WDR62: variants seen among roughly 807,000 people sequenced by gnomAD.
WDR62 encodes WD repeat domain 62.
A neutral mutation model predicts 160.6 loss-of-function variants in WDR62; 112 were observed. That is an observed-to-expected ratio of 0.70 (90% CI 0.60 to 0.82). The LOEUF (loss-of-function observed/expected upper bound fraction) is 0.82. WDR62 is among the 40% of genes least tolerant of loss of function. The pLI is 0.00. For missense variants in WDR62, 1,819 were observed against 1,983.8 expected, an observed-to-expected ratio of 0.92 and a Z score of 1.58; for synonymous variants, 792 against 815.1, an observed-to-expected ratio of 0.97 and a Z score of 0.48.
chr19:36,102,174 C>T, intron 26 of WDR62, 23 bp downstream of exon 26: 1 of 1,613,822 alleles, frequency 6.2e-7, no homozygotes, highest in Non-Finnish European at 8.5e-7. Flanking sequence ...CTCACCCACA[C>T]CTGCCGAGGC....
chr19:36,102,029 C>T lies in WDR62; in HGVS notation c.3098C>T (p.Thr1033Ile). The change falls in exon 26 of 32, where the codon ACA (threonine) becomes ATA (isoleucine). Residue 1033 changes from threonine to isoleucine, a missense_variant. This residue lies in a region of WDR62 where 770 missense variants were observed against 734.2 expected (regional missense o/e 1.05). Coordinates refer to ENST00000401500, the MANE Select transcript of WDR62 (RefSeq NM_001083961.2). ...LPHFPGCAGP[T>I]EDELSLPEGP... ...TCCCTGTCAGGATGCGCAGGTCCCA[C>T]AGAAGATGAGCTGTCCCTGCCCGAG... The T allele has an allele frequency of 6.2e-7, 1 of 1,614,192 alleles. No homozygotes were observed. The highest frequency in any genetic ancestry group is 8.5e-7 in the Non-Finnish European group (1 of 1,180,042).
chr19:36,086,841 C>A lies in WDR62; in HGVS notation c.1768+29C>A, dbSNP rs375695880. ...AGCCCCTTTCTTCCCGCTCCCTGCG[C>A]CTTGCTAGCTACCCTGCTAAAAAAG... is the stretch of plus-strand genomic sequence containing the variant. On this transcript the variant is annotated intron_variant, in intron 13 of 31. Coordinates refer to ENST00000401500, the MANE Select transcript of WDR62 (RefSeq NM_001083961.2). The A allele has an allele frequency of 2.8e-5, 45 of 1,603,110 alleles. No individual in the cohort carries two copies. The African/African-American group carries it at 5.5e-4, about 20-fold the overall frequency.
At position 36,083,136 on chromosome 19, in the gene WDR62, G is replaced by A. The variant is rs563545567; in HGVS notation, c.1445G>A (p.Gly482Glu). The change falls in exon 11 of 32, where the codon GGG becomes GAG. Residue 482 changes from glycine (G) to glutamate (E), a missense_variant. By Grantham distance (98) the Gly-to-Glu change is moderately conservative (BLOSUM62 -2). Coordinates refer to ENST00000401500, the MANE Select transcript of WDR62 (RefSeq NM_001083961.2). ...LQDMSHFPDR[G>E]SENGTPMDVK... ...GACATGTCACACTTCCCAGACCGGG[G>A]GAGCGAGAATGGGACACCCATGGAC... 48 of 1,613,752 alleles carry A rather than the reference G, an allele frequency of 3.0e-5. No individual in the cohort carries two copies. The South Asian group carries it at 4.8e-4, about 16-fold the overall frequency.
intron 7 of WDR62, chr19:36,070,872 T>G (rs1200934938): frequency 6.5e-6 from 1 of 153,078 alleles, no homozygotes; most frequent in Non-Finnish European, 1.5e-5. Flanking sequence ...CGCTTTGGAG[T>G]ACAGTCTTTA....
At chr19:36,102,923 AT>A in intron 27 of WDR62, 24 bp from the exon 28 acceptor site, 2 of 1,614,058 alleles carry the variant, frequency 1.2e-6, no homozygotes, top group Non-Finnish European at 1.7e-6. Flanking sequence ...AATGAGAATC[AT>A]CCCCCCTGCT....
In WDR62 at chr19:36,073,525, C is replaced by G; in HGVS notation, c.1227C>G (p.Asn409Lys). ...SELFHSSYVW[N>K]VEVYPEFEDQ... ...TCTTCCACAGCTCCTACGTTTGGAA[C>G]GTGGAGGTGAGCCCCCCCCCCACCC... Residue 409 changes from asparagine (N) to lysine (K), a missense_variant, in exon 9 of 32, where the codon AAC becomes AAG. Asn to Lys is a moderately conservative substitution (Grantham distance 94, BLOSUM62 0). Coordinates refer to ENST00000401500, the MANE Select transcript of WDR62 (RefSeq NM_001083961.2). 1 of 1,613,028 alleles carries G rather than the reference C, an allele frequency of 6.2e-7. No homozygotes were observed. Among genetic ancestry groups the G allele is most frequent in the Non-Finnish European group, 8.5e-7 (1 of 1,179,522 alleles).
intron 8 of WDR62, among the ~76,000 whole-genome samples, chr19:36,072,015 C>A (rs1971327165): frequency 6.6e-6 from 1 of 152,190 alleles, no homozygotes; most frequent in African/African-American, 2.4e-5. Context: ...CGGAGTGTTT[C>A]CATCCACATG....
In WDR62 at chr19:36,104,957, C is replaced by T. The variant is rs1204833868; in HGVS notation, c.4501C>T (p.Leu1501=). The T allele has an allele frequency of 6.2e-7, 1 of 1,606,374 alleles. No homozygotes were observed. Among genetic ancestry groups the T allele is most frequent in the African/African-American group, 1.3e-5 (1 of 74,826 alleles). ...GCTGTACCCCCTGGCCAGCCCAGAC[C>T]TGCAGGCCCTGCTGGAACACTACTC... ...PTLYPLASPD[L]QALLEHYSEL... Residue 1501 remains leucine (L), a synonymous_variant, in exon 32 of 32, where the codon CTG becomes TTG. Transcript: ENST00000401500.
rs748619555 is a variant in WDR62, at chr19:36,066,318, T to TG, written c.453dup (p.Leu152AlafsTer27). ...GAGGAGAAGAATCAGGTGGCGGAGA[T>TG]GCTAGGCCACAAGTATGGTGTGGCG... is the stretch of plus-strand genomic sequence containing the variant. On this transcript the variant is annotated frameshift_variant, in exon 5 of 32. Transcript: ENST00000401500. LOFTEE classifies it high-confidence loss of function. 1 of 1,614,214 alleles carries TG rather than the reference T, an allele frequency of 6.2e-7. No homozygotes were observed. The highest frequency in any genetic ancestry group is 1.7e-5 in the Admixed American group (1 of 60,026).
chr19:36,067,372 A>G lies in WDR62; in HGVS notation c.628A>G (p.Ser210Gly). ...CATTGCCCTCTCCTTCTCAGAGGAC[A>G]GCAGCTATTTTGTCACTGTTGGGAA... is the stretch of plus-strand genomic sequence containing the variant. ...RVIALSFSED[S>G]SYFVTVGNRH... The change falls in exon 6 of 32, where the codon AGC becomes GGC. Residue 210 changes from serine (S) to glycine (G), a missense_variant. Around this residue, in one of 3 missense-constraint regions of WDR62, gnomAD observed 934 missense variants for 1,157.2 expected, o/e 0.81. Transcript: ENST00000401500. 6.2e-7 allele frequency: 1 copy of G among 1,614,236 alleles called. No homozygotes were observed. Among genetic ancestry groups the G allele is most frequent in the South Asian group, 1.1e-5 (1 of 91,088 alleles).
At chr19:36,072,427 T>C (rs886272868) in intron 8 of WDR62, among the ~76,000 whole-genome samples, 1 of 152,136 alleles carries the variant, frequency 6.6e-6, no homozygotes, top group Non-Finnish European at 1.5e-5. Context: ...CTCAGGTCAG[T>C]GGGCAGTTGC....
chr19:36,092,635 G>A (rs954144682), intron 18 of WDR62, 54 bp from the exon 19 acceptor site: 14 of 1,611,938 alleles, frequency 8.7e-6, no homozygotes, highest in Middle Eastern at 1.7e-4. Flanking sequence ...CCACGGCAGC[G>A]GCTCCCATGC....
At chr19:36,096,815 C>A (rs1972993913) in intron 20 of WDR62, among the ~76,000 whole-genome samples, 1 of 152,198 alleles carries the variant, frequency 6.6e-6, no homozygotes. Context: ...TTCCTGCCAT[C>A]CTTTGGTAGT....
intron 26 of WDR62, 195 bp downstream of exon 26, chr19:36,102,346 CG>C (rs1252619629): frequency 1.4e-6 from 1 of 739,158 alleles, no homozygotes; most frequent in Non-Finnish European, 2.3e-6. Context: ...CTGCAACCTC[CG>C]ACTCCCTGGT....
chr19:36,106,113 T>C (rs932486129), downstream of WDR62, among the ~76,000 whole-genome samples: 5 of 152,134 alleles, frequency 3.3e-5, no homozygotes, highest in African/African-American at 1.2e-4. Flanking sequence ...AATAACTGCT[T>C]CCCCTTCAGA....
chr19:36,100,028 A>G (rs1027345015), intron 22 of WDR62, among the ~76,000 whole-genome samples: 5 of 152,214 alleles, frequency 3.3e-5, no homozygotes, highest in Non-Finnish European at 7.3e-5. Context: ...AGGCAGGAGG[A>G]TTACTTAACG....
At chr19:36,100,966 G>A (rs1973293558) in intron 23 of WDR62, 91 bp downstream of exon 23, 1 of 1,595,440 alleles carries the variant, frequency 6.3e-7, no homozygotes, top group Non-Finnish European at 8.6e-7. Context: ...CCTTCCCAGT[G>A]GGCTTGTGGG....
chr19:36,096,911 G>A (rs1173930402), intron 20 of WDR62, 116 bp from the exon 21 acceptor site: 10 of 911,160 alleles, frequency 1.1e-5, no homozygotes, highest in Admixed American at 2.0e-5. Context: ...CCCCGGTGCT[G>A]TTGAGCCTTC....
chr19:36,067,030 C>G (rs1382343425), intron 5 of WDR62, among the ~76,000 whole-genome samples: 1 of 152,210 alleles, frequency 6.6e-6, no homozygotes, highest in Non-Finnish European at 1.5e-5. Flanking sequence ...GTGACTGTCC[C>G]CAATACCATG....
Sources: gnomAD v4.1 joint callset for allele counts (sites outside exome capture counted in the v4.1 genomes callset) on GRCh38, gnomAD v4.1.1 for gene constraint, gnomAD v4.1.1 regional missense constraint, MANE v1.5 for transcripts, NCBI Gene and HGNC (gene_info 2026-07-23, HGNC 2026-07-21) for gene names.